Variants in SPSB4 observed in about 807,000 individuals in gnomAD.
SPSB4 encodes the protein splA/ryanodine receptor domain and SOCS box containing 4, also known as SPRY domain-containing SOCS box protein 4.
Under a neutral mutation model 20.9 loss-of-function variants are expected in SPSB4, and 21 were observed. The ratio of observed to expected loss-of-function variants is 1.01; its 90% CI spans 0.71 to 1.45. The LOEUF (loss-of-function observed/expected upper bound fraction) is 1.45. Ranked by LOEUF, SPSB4 falls within the 40% of genes most tolerant of loss-of-function variation. The pLI is 0.00. For missense variants in SPSB4, 399 were observed against 399.2 expected, an observed-to-expected ratio of 1.00 and a Z score of 0.00; for synonymous variants, 207 against 183.8, an observed-to-expected ratio of 1.13 and a Z score of -1.02.
Position 141,114,239 on chromosome 3 carries a change from A to G in SPSB4, c.695-32903A>G, listed in dbSNP as rs530851534. Among the ~76,000 whole-genome samples the G allele has an allele frequency of 5.3e-5, 8 of 152,272 alleles. No individual in the cohort carries two copies. The South Asian group carries it at 8.3e-4, about 16-fold the overall frequency. On this transcript the variant is annotated intron_variant, in intron 2 of 2. Transcript: ENST00000310546. ...AAAATACCAGGGGTGAATTCAGTCA[A>G]TCGCCCTGAGCATGGCCCTGGGGGA...
chr3:141,104,851 G>T (rs73234868), intron 2 of SPSB4, among the ~76,000 whole-genome samples: 1 of 152,242 alleles, frequency 6.6e-6, no homozygotes, highest in African/African-American at 2.4e-5. Context: ...CGCCGTTAGA[G>T]TTGAGGAGGT....
chr3:141,077,674 C>G (rs1378286568), intron 2 of SPSB4: 1 of 152,320 alleles, frequency 6.6e-6, no homozygotes, highest in Admixed American at 6.5e-5. Flanking sequence ...ATGGGAGATA[C>G]CGTTCATCTC....
At chr3:141,100,868 C>G (rs1264854818) in intron 2 of SPSB4, among the ~76,000 whole-genome samples, 3 of 152,038 alleles carry the variant, frequency 2.0e-5, no homozygotes, top group African/African-American at 7.2e-5. Context: ...TGCCCTGGTA[C>G]CCACATTGTA....
chr3:141,120,490 TGTCTAATA>T (rs1314075795), intron 2 of SPSB4, among the ~76,000 whole-genome samples: 2 of 152,180 alleles, frequency 1.3e-5, no homozygotes, highest in Non-Finnish European at 2.9e-5. Context: ...CTTGCTGATC[TGTCTAATA>T]TTGACAGTGG....
intron 2 of SPSB4, among the ~76,000 whole-genome samples, chr3:141,131,193 G>A (rs995319379): frequency 2.6e-5 from 4 of 152,004 alleles, no homozygotes; most frequent in Non-Finnish European, 5.9e-5. Flanking sequence ...TAAAAATGTG[G>A]AGCCACATTT....
intron 2 of SPSB4, among the ~76,000 whole-genome samples, chr3:141,141,267 C>A (rs1241385378): frequency 6.6e-6 from 1 of 152,218 alleles, no homozygotes; most frequent in East Asian, 1.9e-4. Context: ...TTCCCTGACC[C>A]CTTGCACTTC....
intron 2 of SPSB4, among the ~76,000 whole-genome samples, chr3:141,089,782 C>A (rs532935890): frequency 1.3e-5 from 2 of 152,298 alleles, no homozygotes; most frequent in South Asian, 4.1e-4. Context: ...CTTTGCAAAA[C>A]CAATTTTCAG....
At chr3:141,147,082 G>A in intron 2 of SPSB4, 60 bp from the exon 3 acceptor site, 1 of 1,602,380 alleles carries the variant, frequency 6.2e-7, no homozygotes, top group South Asian at 1.1e-5. Context: ...AGTGGGGGCT[G>A]GGATGAGAAG....
intron 2 of SPSB4, among the ~76,000 whole-genome samples, chr3:141,128,066 C>T (rs530377564): frequency 1.3e-5 from 2 of 152,290 alleles, no homozygotes; most frequent in East Asian, 3.9e-4. Flanking sequence ...GTGGGTGGAG[C>T]AGATCTGAAG....
intron 2 of SPSB4, among the ~76,000 whole-genome samples, chr3:141,081,288 A>T (rs73868994): frequency 2.0e-5 from 3 of 152,198 alleles, no homozygotes; most frequent in African/African-American, 7.2e-5. Flanking sequence ...GCCCTATTGG[A>T]TGAGCCCATG....
chr3:141,106,813 C>T (rs557876518), intron 2 of SPSB4, among the ~76,000 whole-genome samples: 1 of 152,274 alleles, frequency 6.6e-6, no homozygotes, highest in African/African-American at 2.4e-5. Context: ...ACACCCTCAA[C>T]CTACCTGAAA....
chr3:141,104,410 C>T (rs1327560772), intron 2 of SPSB4, among the ~76,000 whole-genome samples: 1 of 152,180 alleles, frequency 6.6e-6, no homozygotes, highest in Non-Finnish European at 1.5e-5. Flanking sequence ...CAGACTGTGA[C>T]CTGGACACGC....
intron 2 of SPSB4, among the ~76,000 whole-genome samples, chr3:141,129,265 G>A (rs1939098024): frequency 6.6e-6 from 1 of 152,220 alleles, no homozygotes; most frequent in Non-Finnish European, 1.5e-5. Context: ...CACAGCTCCA[G>A]GAGCCTCTCC....
intron 2 of SPSB4, among the ~76,000 whole-genome samples, chr3:141,075,647 T>C (rs1938090896): frequency 6.6e-6 from 1 of 152,110 alleles, no homozygotes; most frequent in African/African-American, 2.4e-5. Context: ...TGGATGATGC[T>C]GATGAAGATG....
chr3:141,130,026 T>A (rs180970152), intron 2 of SPSB4, among the ~76,000 whole-genome samples: 5 of 152,330 alleles, frequency 3.3e-5, no homozygotes, highest in Admixed American at 2.6e-4. Context: ...ACAGTGAAGC[T>A]TGTCAACAGA....
chr3:141,121,342 A>C (rs563581304), intron 2 of SPSB4, among the ~76,000 whole-genome samples: 8 of 152,106 alleles, frequency 5.3e-5, no homozygotes, highest in Non-Finnish European at 1.2e-4. Context: ...GCTGCCCTTA[A>C]CATTTTTTCC....
At chr3:141,077,463 G>C (rs1938139649) in intron 2 of SPSB4, 1 of 152,248 alleles carries the variant, frequency 6.6e-6, no homozygotes, top group Non-Finnish European at 1.5e-5. Flanking sequence ...CATCATCCCA[G>C]CTTTGAAGTC....
At chr3:141,128,527 A>AG (rs1576540561) in intron 2 of SPSB4, among the ~76,000 whole-genome samples, 1 of 152,078 alleles carries the variant, frequency 6.6e-6, no homozygotes, top group East Asian at 1.9e-4. Context: ...AGGAGCCAGG[A>AG]GGGGCCCTGC....
At chr3:141,082,159 G>A (rs1938244785) in intron 2 of SPSB4, among the ~76,000 whole-genome samples, 1 of 152,206 alleles carries the variant, frequency 6.6e-6, no homozygotes, top group South Asian at 2.1e-4. Context: ...TGTGCATCTG[G>A]CTGGGTCTGG....
Sources: gnomAD v4.1 joint callset for allele counts (sites outside exome capture counted in the v4.1 genomes callset) on GRCh38, gnomAD v4.1.1 for gene constraint, MANE v1.5 for transcripts, NCBI Gene and HGNC (gene_info 2026-07-23, HGNC 2026-07-21) for gene names.